Variants in SUCLG2 observed in about 807,000 individuals in gnomAD.
SUCLG2 encodes the protein succinate--CoA ligase [GDP-forming] subunit beta, mitochondrial.
A neutral mutation model predicts 47.9 loss-of-function variants in SUCLG2; 42 were observed. The ratio of observed to expected loss-of-function variants is 0.88; its 90% CI spans 0.69 to 1.14. The LOEUF is 1.14. SUCLG2 is among the 50% of genes most tolerant of loss of function. The pLI, the probability that SUCLG2 is intolerant of heterozygous loss-of-function variation, is 0.00. For synonymous variants in SUCLG2, 195 were observed against 197.3 expected (o/e 0.99, Z 0.10); for missense variants, 571 against 525.9 (o/e 1.09, Z -0.84).
chr3:67,417,189 TA>T, intron 9 of SUCLG2, among the ~76,000 whole-genome samples: 1 of 152,250 alleles, frequency 6.6e-6, no homozygotes, highest in East Asian at 1.9e-4. Context: ...AACGTAAGTG[TA>T]AATTTTCAAG....
intron 2 of SUCLG2, among the ~76,000 whole-genome samples, chr3:67,541,677 T>C (rs145893607): frequency 1.2e-3 from 177 of 152,208 alleles, no homozygotes; most frequent in African/African-American, 4.1e-3. Context: ...ACCACAAAGA[T>C]ACTCCTTGAG....
chr3:67,379,923 G>A lies in SUCLG2; in HGVS notation c.1184-4064C>T, dbSNP rs576951890. ...GGGATGACTTACTGATGCTTCCCTC[G>A]TCCCCTCTAAACATCCACTTTCCTT... On this transcript the variant is annotated intron_variant, in intron 10 of 10. Transcript: ENST00000307227. Among the ~76,000 whole-genome samples the A allele has an allele frequency of 3.9e-5, 6 of 152,198 alleles. No individual in the cohort carries two copies. In the South Asian group the frequency reaches 6.2e-4, roughly 16 times the overall value.
Position 67,632,270 on chromosome 3 carries a change from C to A in SUCLG2, c.84+22233G>T, listed in dbSNP as rs952195143. On this transcript the variant is annotated intron_variant, in intron 1 of 10. Coordinates refer to ENST00000307227, the MANE Select transcript of SUCLG2 (RefSeq NM_003848.4). Reference sequence around the variant, plus strand: ...CGATCTCTGCTCACTGTAGCCTCCCCTTCTTGGGTTCAAGCAATTCTCGTG... The same window carrying A: ...CGATCTCTGCTCACTGTAGCCTCCCATTCTTGGGTTCAAGCAATTCTCGTG... Among the ~76,000 whole-genome samples, 3 of 152,246 alleles carry A rather than the reference C, an allele frequency of 2.0e-5. No individual in the cohort carries two copies. The East Asian group carries it at 5.8e-4, about 29-fold the overall frequency.
At chr3:67,396,238 T>A (rs959701575) in intron 10 of SUCLG2, among the ~76,000 whole-genome samples, 1 of 151,856 alleles carries the variant, frequency 6.6e-6, no homozygotes, top group Non-Finnish European at 1.5e-5. Flanking sequence ...CAGGAGCTGG[T>A]TTTTTGAAAG....
chr3:67,470,831 A>C (rs1316497043), intron 9 of SUCLG2, among the ~76,000 whole-genome samples: 1 of 152,218 alleles, frequency 6.6e-6, no homozygotes, highest in Non-Finnish European at 1.5e-5. Context: ...CAGAGTTCTC[A>C]GTTGCCACCA....
At chr3:67,652,023 C>T (rs1701293871) in intron 1 of SUCLG2, among the ~76,000 whole-genome samples, 2 of 152,106 alleles carry the variant, frequency 1.3e-5, no homozygotes, top group African/African-American at 4.8e-5. Flanking sequence ...CATCCCCAAA[C>T]CCCAGGGCCT....
chr3:67,377,043 C>T (rs947500237), intron 10 of SUCLG2, among the ~76,000 whole-genome samples: 1 of 152,240 alleles, frequency 6.6e-6, no homozygotes, highest in Non-Finnish European at 1.5e-5. Context: ...GAACTAATAT[C>T]ATTAAGTGCT....
At chr3:67,401,022 T>C (rs1702672640) in intron 9 of SUCLG2, among the ~76,000 whole-genome samples, 171 bp from the exon 10 acceptor site, 1 of 152,200 alleles carries the variant, frequency 6.6e-6, no homozygotes, top group South Asian at 2.1e-4. Context: ...AAAGCTCATA[T>C]TAGTAATAAA....
intron 10 of SUCLG2, among the ~76,000 whole-genome samples, chr3:67,388,189 C>T (rs1203525998): frequency 6.6e-6 from 1 of 152,178 alleles, no homozygotes; most frequent in Non-Finnish European, 1.5e-5. Flanking sequence ...TCAAAGAGGG[C>T]ACTGCCTTCC....
intron 10 of SUCLG2, among the ~76,000 whole-genome samples, chr3:67,390,492 T>A (rs1702356610): frequency 6.6e-6 from 1 of 152,190 alleles, no homozygotes; most frequent in Non-Finnish European, 1.5e-5. Context: ...TTACATGTAT[T>A]TACTTGCCTT....
At chr3:67,478,813 G>C (rs1194821820) in intron 9 of SUCLG2, among the ~76,000 whole-genome samples, 1 of 152,166 alleles carries the variant, frequency 6.6e-6, no homozygotes, top group African/African-American at 2.4e-5. Context: ...CCCTCATCGG[G>C]TCAGCGTCTC....
intron 7 of SUCLG2, among the ~76,000 whole-genome samples, chr3:67,498,684 T>G (rs1191402177): frequency 2.0e-5 from 3 of 152,192 alleles, no homozygotes; most frequent in African/African-American, 7.2e-5. Context: ...AAAGAGAGAC[T>G]AGACAATATT....
chr3:67,384,530 C>T (rs748218295), intron 10 of SUCLG2, among the ~76,000 whole-genome samples: 1 of 152,234 alleles, frequency 6.6e-6, no homozygotes, highest in Admixed American at 6.5e-5. Context: ...CTGCCCTTTA[C>T]AGAAAAAGTT....
intron 9 of SUCLG2, among the ~76,000 whole-genome samples, chr3:67,460,843 C>G (rs1482137397): frequency 6.6e-6 from 1 of 152,112 alleles, no homozygotes; most frequent in Admixed American, 6.6e-5. Flanking sequence ...AGTAAAAAAT[C>G]ATTCCCAACA....
chr3:67,474,107 A>G (rs1704680803), intron 9 of SUCLG2, among the ~76,000 whole-genome samples: 1 of 152,030 alleles, frequency 6.6e-6, no homozygotes, highest in Non-Finnish European at 1.5e-5. Flanking sequence ...ATACAAAAAC[A>G]AAATTATCCG....
intron 5 of SUCLG2, 71 bp from the exon 6 acceptor site, chr3:67,518,407 T>C (rs574122918): frequency 1.4e-6 from 2 of 1,415,006 alleles, no homozygotes; most frequent in Non-Finnish European, 2.0e-6. Context: ...CAAAAGAAAA[T>C]GCTTAGTATT....
intron 2 of SUCLG2, among the ~76,000 whole-genome samples, chr3:67,603,061 C>T (rs1416461086): frequency 6.6e-6 from 1 of 152,210 alleles, no homozygotes; most frequent in African/African-American, 2.4e-5. Flanking sequence ...GATACCGCTT[C>T]AACCTCTCAT....
Position 67,508,735 on chromosome 3 carries a change from T to C in SUCLG2, c.757+72A>G. ...TATGCAAAGCTGCTGCTACAGTCTT[T>C]TGTGCAATTTATAGTTTGCATAAAT... On this transcript the variant is annotated intron_variant, in intron 7 of 10. Coordinates refer to ENST00000307227, the MANE Select transcript of SUCLG2 (RefSeq NM_003848.4). The C allele has an allele frequency of 3.4e-6, 4 of 1,181,088 alleles. No homozygotes were observed. The East Asian group carries it at 1.0e-4, about 30-fold the overall frequency. 73.2% of individuals were successfully genotyped at this position (1,181,088 alleles called of 1,614,324 possible).
At chr3:67,474,793 TA>T (rs202005607) in intron 9 of SUCLG2, among the ~76,000 whole-genome samples, 2,700 of 152,322 alleles carry the variant, frequency 0.018, 41 homozygotes, top group Non-Finnish European at 0.028. Context: ...ACAAGTCTTT[TA>T]AACTCCAGAG....
Sources: allele counts gnomAD v4.1 joint callset (sites outside exome capture counted in the v4.1 genomes callset), GRCh38; gene constraint gnomAD v4.1.1; transcripts MANE v1.5; gene names NCBI Gene and HGNC (gene_info 2026-07-23, HGNC 2026-07-21).